Variants in CTSH observed in about 807,000 individuals in gnomAD.
CTSH encodes pro-cathepsin H.
CTSH carries 52 observed loss-of-function variants against 56.3 expected under a neutral mutation model. That is an observed-to-expected ratio of 0.92 (90% CI 0.74 to 1.16). CTSH has a LOEUF of 1.16. Ranked by LOEUF, CTSH falls within the 50% of genes most tolerant of loss-of-function variation. CTSH has a pLI of 0.00. For synonymous variants in CTSH, 174 were observed against 155.7 expected, an observed-to-expected ratio of 1.12 and a Z score of -0.88; for missense variants, 406 against 424.5, an observed-to-expected ratio of 0.96 and a Z score of 0.38.
At chr15:78,924,119 A>AGGGGGGGGGGGGGGGGGGGGGGGGGGGGG (rs1567345760) in intron 10 of CTSH, among the ~76,000 whole-genome samples, 1 of 2,286 alleles carries the variant, frequency 4.4e-4, no homozygotes, top group Non-Finnish European at 8.9e-4. Flanking sequence ...GAGGGTGGGC[A>AGGGGGGGGGGGGGGGGGGGGGGGGGGGGG]GGGTGGGTCA....
At chr15:78,936,751 T>C (rs1226970806) in intron 3 of CTSH, among the ~76,000 whole-genome samples, 3 of 151,880 alleles carry the variant, frequency 2.0e-5, no homozygotes, top group African/African-American at 7.3e-5. Flanking sequence ...TGCCTCAGCC[T>C]CCCAAATAGC....
Position 78,932,408 on chromosome 15 carries a change from A to G in CTSH, c.456T>C (p.Ser152=). The G allele has an allele frequency of 6.2e-7, 1 of 1,614,150 alleles. No homozygotes were observed. Among genetic ancestry groups the G allele is most frequent in the Non-Finnish European group, 8.5e-7 (1 of 1,179,994 alleles). ...WTFSTTGALE[S]AIAIATGKML... ...TCTTTCCGGTTGCGATGGCGATCGC[A>G]GACTCCAGGGCCCCAGTGGTGGAGA... Residue 152 remains serine (S), a synonymous_variant, in exon 6 of 12, where the codon TCT becomes TCC. Transcript: ENST00000220166.
Position 78,935,078 on chromosome 15 carries a change from C to A in CTSH, c.305G>T (p.Cys102Phe), listed in dbSNP as rs765597891. The change falls in exon 5 of 12, where the codon TGC becomes TTC. Residue 102 changes from cysteine (C) to phenylalanine (F), a missense_variant. Physicochemically the swap from Cys to Phe is radical, Grantham distance 205 (BLOSUM62 -2). Transcript: ENST00000220166. The part of the protein sequence containing the change: ...HKYLWSEPQN[C>F]SATKSNYLRG... ...AAGGTAGTTACTTTTGGTGGCTGAG[C>A]AATTCTGGAACAACCAAACACATTA... is the stretch of plus-strand genomic sequence containing the variant. 6.8e-6 allele frequency: 11 copies of A among 1,608,554 alleles called. No individual in the cohort carries two copies. In the Admixed American group the frequency reaches 1.5e-4, roughly 22 times the overall value.
chr15:78,928,978 C>A (rs532433888), intron 8 of CTSH, among the ~76,000 whole-genome samples: 1 of 134,426 alleles, frequency 7.4e-6, no homozygotes, highest in African/African-American at 2.8e-5. Context: ...CCAGGCTGGG[C>A]GGAGGTGATG....
At chr15:78,928,169 T>C (rs985766615) in intron 8 of CTSH, among the ~76,000 whole-genome samples, 1 of 133,934 alleles carries the variant, frequency 7.5e-6, no homozygotes, top group Non-Finnish European at 1.6e-5. Flanking sequence ...AGCGCAGCCC[T>C]TTCAAGGCAG....
At chr15:78,940,831 C>T (rs888596334) in intron 1 of CTSH, among the ~76,000 whole-genome samples, 2 of 152,190 alleles carry the variant, frequency 1.3e-5, no homozygotes, top group East Asian at 1.9e-4. Context: ...TGGTGGCAGG[C>T]GCCTGTAATC....
At chr15:78,922,256 C>T (rs2054787189) in intron 11 of CTSH, 51 bp from the exon 12 acceptor site, 1 of 1,466,442 alleles carries the variant, frequency 6.8e-7, no homozygotes, top group East Asian at 2.5e-5. Context: ...CCACCACAGG[C>T]CTTTCTAGAA....
At position 78,944,965 on chromosome 15, in the gene CTSH, G is replaced by C. The variant is rs1008571639; in HGVS notation, c.17C>G (p.Pro6Arg). 15 of 1,545,354 alleles carry C rather than the reference G, an allele frequency of 9.7e-6. No homozygotes were observed. The highest frequency in any genetic ancestry group is 1.2e-5 in the Non-Finnish European group (14 of 1,145,324). ...GAGCCAGGCCCCGGCGCAGAGCAGC[G>C]GCAGCGTGGCCCACATCGCAGCGCT... MWATLPLLCAGAWLLG... is the reference protein window; with the variant it reads MWATLRLLCAGAWLLG... Residue 6 changes from proline to arginine, a missense_variant, in exon 1 of 12, where the codon CCG becomes CGG. Pro to Arg is a moderately radical substitution (Grantham distance 103, BLOSUM62 -2). Coordinates refer to ENST00000220166, the MANE Select transcript of CTSH (RefSeq NM_004390.5).
chr15:78,922,982 G>C lies in CTSH; in HGVS notation c.932+11C>G. The C allele has an allele frequency of 6.2e-7, 1 of 1,602,314 alleles. No individual in the cohort carries two copies. Among genetic ancestry groups the C allele is most frequent in the African/African-American group, 1.4e-5 (1 of 73,994 alleles). On this transcript the variant is annotated intron_variant, in intron 11 of 11. Coordinates refer to ENST00000220166, the MANE Select transcript of CTSH (RefSeq NM_004390.5). ...TCCCCCTCCCAGAAGTGGGACCTGG[G>C]AGCTGCTTACCCGTTCATTCCCCAC...
At chr15:78,925,700 T>C in intron 9 of CTSH, 1 of 390,850 alleles carries the variant, frequency 2.6e-6, no homozygotes, top group Non-Finnish European at 4.9e-6. Context: ...GACCTACTCA[T>C]TCAGTCATTC....
rs572992158 is a variant in CTSH, at chr15:78,925,249, G to A, written c.806+85C>T. ...TCTGACACACAGGAGTCTGGGCCAC[G>A]AGCCCAAGTCCCACGAGTGGGGTGT... On this transcript the variant is annotated intron_variant, in intron 10 of 11. Transcript: ENST00000220166. 2.1e-5 allele frequency: 18 copies of A among 850,316 alleles called. 1 individual carries two copies. Among genetic ancestry groups the A allele is most frequent in the African/African-American group, 6.7e-5 (4 of 59,824 alleles). 52.7% of individuals were successfully genotyped at this position (850,316 alleles called of 1,614,324 possible).
intron 9 of CTSH, 147 bp downstream of exon 9, chr15:78,927,566 C>G (rs780725991): frequency 1.5e-6 from 1 of 680,856 alleles, no homozygotes; most frequent in African/African-American, 1.8e-5. Flanking sequence ...ACCATCACAG[C>G]GACTGAGACC....
chr15:78,933,921 T>G (rs1384879595), intron 5 of CTSH, among the ~76,000 whole-genome samples: 3 of 152,190 alleles, frequency 2.0e-5, no homozygotes, highest in Non-Finnish European at 4.4e-5. Context: ...CCCAGCCGGC[T>G]GCGTCCTGCC....
rs982528239 is a variant in CTSH, at chr15:78,945,013, G to A, written c.-32C>T. 2 of 1,504,338 alleles carry A rather than the reference G, an allele frequency of 1.3e-6. No individual in the cohort carries two copies. Among genetic ancestry groups the A allele is most frequent in the Non-Finnish European group, 1.8e-6 (2 of 1,127,520 alleles). 93.2% of individuals were successfully genotyped at this position (1,504,338 alleles called of 1,614,324 possible). A position where few individuals can be genotyped will look rare whatever the true frequency, so the allele number is the denominator to read the frequency against. ...GCTGGCGGCTTGGCTCTTGCGCTCAGGGTCCGCGGAGGTGGCGGCCCAGAG... is the reference window on the plus strand; with the variant it reads ...GCTGGCGGCTTGGCTCTTGCGCTCAAGGTCCGCGGAGGTGGCGGCCCAGAG... On this transcript the variant is annotated 5_prime_UTR_variant, in exon 1 of 12. Coordinates refer to ENST00000220166, the MANE Select transcript of CTSH (RefSeq NM_004390.5).
intron 10 of CTSH, among the ~76,000 whole-genome samples, chr15:78,925,011 T>G (rs1247309929): frequency 1.3e-5 from 2 of 151,982 alleles, no homozygotes; most frequent in Admixed American, 6.6e-5. Flanking sequence ...ATGGGTTTTT[T>G]TTAAACTGGA....
intron 6 of CTSH, chr15:78,932,008 C>T: frequency 8.5e-7 from 1 of 1,172,816 alleles, no homozygotes; most frequent in South Asian, 2.2e-5. Flanking sequence ...ATGCATAGGT[C>T]CCGGCTCTTC....
intron 1 of CTSH, among the ~76,000 whole-genome samples, chr15:78,941,399 G>A (rs1215192445): frequency 2.1e-5 from 3 of 141,406 alleles, no homozygotes; most frequent in African/African-American, 7.9e-5. Context: ...ACTCCAGCCT[G>A]GGCGACAAAG....
intron 5 of CTSH, among the ~76,000 whole-genome samples, chr15:78,933,901 G>T (rs971682494): frequency 6.6e-6 from 1 of 152,150 alleles, no homozygotes; most frequent in Non-Finnish European, 1.5e-5. Flanking sequence ...ACCTCATTCC[G>T]CTCCCTTAGC....
At chr15:78,941,371 C>T (rs1399912718) in intron 1 of CTSH, among the ~76,000 whole-genome samples, 1 of 133,882 alleles carries the variant, frequency 7.5e-6, no homozygotes, top group African/African-American at 2.9e-5. Flanking sequence ...GTTGCAGTAG[C>T]CAAGATCGTG....
Sources: allele counts gnomAD v4.1 joint callset (sites outside exome capture counted in the v4.1 genomes callset), GRCh38; gene constraint gnomAD v4.1.1; transcripts MANE v1.5; gene names NCBI Gene and HGNC (gene_info 2026-07-23, HGNC 2026-07-21).